The following TAFA2 variants were observed in gnomAD, a reference collection of about 807,000 sequenced individuals.
TAFA2 encodes chemokine-like protein TAFA-2.
A neutral mutation model predicts 18.8 loss-of-function variants in TAFA2; 7 were observed. The observed-to-expected ratio is 0.37, with a 90% CI of 0.21 to 0.70. The LOEUF (loss-of-function observed/expected upper bound fraction) is 0.70, where lower values mean the gene tolerates loss of function less well. Among genes scored for constraint, TAFA2 ranks in the 30% least tolerant of loss-of-function variants. The probability of loss-of-function intolerance (pLI) is 0.53; values close to 1 mark genes in which losing one functional copy is unlikely to be tolerated. For synonymous variants in TAFA2, 60 were observed against 54.2 expected, an observed-to-expected ratio of 1.11 and a Z score of -0.47; for missense variants, 122 against 158.1, an observed-to-expected ratio of 0.77 and a Z score of 1.23.
chr12:62,068,734 A>G (rs1565734159), intron 1 of TAFA2, among the ~76,000 whole-genome samples: 1 of 152,176 alleles, frequency 6.6e-6, no homozygotes, highest in East Asian at 1.9e-4. Context: ...TTTTGACTTC[A>G]TATAAAGGAT....
intron 2 of TAFA2, among the ~76,000 whole-genome samples, chr12:61,785,606 T>C (rs966454972): frequency 1.3e-5 from 2 of 151,454 alleles, no homozygotes; most frequent in Non-Finnish European, 3.0e-5. Context: ...CTTTATGAAC[T>C]CTGCAGATAC....
intron 1 of TAFA2, among the ~76,000 whole-genome samples, chr12:62,110,160 C>T (rs995949395): frequency 6.6e-6 from 1 of 152,100 alleles, no homozygotes; most frequent in Non-Finnish European, 1.5e-5. Flanking sequence ...CCATCTATAC[C>T]TAGTTTATTG....
rs1268292892 is a variant in TAFA2, at chr12:61,760,096, G to A, written c.107-5072C>T. Reference sequence around the variant, plus strand: ...AGTGCTTTTTTTTTTTTTTTTCACTGCCTATGAACAAAATGTAGAAACATG... The same window carrying A: ...AGTGCTTTTTTTTTTTTTTTTCACTACCTATGAACAAAATGTAGAAACATG... On this transcript the variant is annotated intron_variant, in intron 2 of 4. Coordinates refer to ENST00000416284, the MANE Select transcript of TAFA2 (RefSeq NM_178539.5). Among the ~76,000 whole-genome samples the A allele has an allele frequency of 5.5e-5, 7 of 126,500 alleles. No homozygotes were observed. The East Asian group carries it at 9.1e-4, about 16-fold the overall frequency. The allele number at this position is 126,500 out of a possible 152,430, so 83.0% of individuals were successfully genotyped here.
At chr12:62,124,974 A>C (rs1301982547) in intron 1 of TAFA2, among the ~76,000 whole-genome samples, 3 of 152,168 alleles carry the variant, frequency 2.0e-5, no homozygotes, top group African/African-American at 7.2e-5. Context: ...CCTTGTTCAA[A>C]AAAAGTACCA....
intron 1 of TAFA2, among the ~76,000 whole-genome samples, chr12:62,058,220 C>T (rs1429172512): frequency 1.3e-5 from 2 of 152,112 alleles, no homozygotes; most frequent in African/African-American, 4.8e-5. Flanking sequence ...AAGATCATCT[C>T]ACTCCCATGA....
At chr12:62,202,461 T>G (rs1276068075) in intron 1 of TAFA2, among the ~76,000 whole-genome samples, 1 of 152,008 alleles carries the variant, frequency 6.6e-6, no homozygotes, top group African/African-American at 2.4e-5. Flanking sequence ...TTCTCTCGCC[T>G]CAGCCTCCCT....
rs767969809 is a variant in TAFA2, at chr12:61,818,573, C to T, written c.106+48747G>A. On this transcript the variant is annotated intron_variant, in intron 2 of 4. Transcript: ENST00000416284. The stretch of plus-strand genomic sequence containing the variant: ...GTATACCCATGTATAGAGCAAAGCC[C>T]TCCAATGGAGCACCACTCTGAGGCA... Among the ~76,000 whole-genome samples, 6 of 151,962 alleles carry T rather than the reference C, an allele frequency of 3.9e-5. No homozygotes were observed. In the South Asian group the frequency reaches 8.3e-4, roughly 21 times the overall value.
chr12:61,912,540 A>T (rs942674431), intron 1 of TAFA2, among the ~76,000 whole-genome samples: 2 of 152,176 alleles, frequency 1.3e-5, no homozygotes, highest in Non-Finnish European at 2.9e-5. Flanking sequence ...ATCATTTTTT[A>T]AAAAATTTAG....
intron 2 of TAFA2, among the ~76,000 whole-genome samples, chr12:61,815,630 T>G (rs1872050384): frequency 6.8e-6 from 1 of 147,608 alleles, no homozygotes. Context: ...GCCACTGCAC[T>G]CCAGCCTGGG....
intron 1 of TAFA2, among the ~76,000 whole-genome samples, chr12:61,900,907 A>G (rs1255654152): frequency 6.6e-6 from 1 of 152,188 alleles, no homozygotes; most frequent in East Asian, 1.9e-4. Flanking sequence ...TGAACAGTGA[A>G]TAATTTTTCA....
intron 1 of TAFA2, among the ~76,000 whole-genome samples, chr12:62,068,762 C>T (rs1198167552): frequency 6.6e-6 from 1 of 152,146 alleles, no homozygotes; most frequent in Non-Finnish European, 1.5e-5. Context: ...TCTTGTACTA[C>T]TTGGCCATTG....
chr12:61,801,084 A>C (rs1017661829), intron 2 of TAFA2, among the ~76,000 whole-genome samples: 5 of 150,938 alleles, frequency 3.3e-5, no homozygotes, highest in African/African-American at 7.3e-5. Context: ...TGGACTCTGC[A>C]GTGAACACTA....
At chr12:62,175,889 T>A (rs1327202470) in intron 1 of TAFA2, among the ~76,000 whole-genome samples, 1 of 149,800 alleles carries the variant, frequency 6.7e-6, no homozygotes, top group Non-Finnish European at 1.5e-5. Flanking sequence ...TATATTAAAT[T>A]ACAAGAAAAT....
intron 1 of TAFA2, among the ~76,000 whole-genome samples, chr12:62,039,893 A>G (rs537415214): frequency 2.0e-5 from 3 of 152,180 alleles, no homozygotes; most frequent in Admixed American, 2.0e-4. Flanking sequence ...AGGCCCAAGC[A>G]TTTGCATATC....
At position 61,899,578 on chromosome 12, in the gene TAFA2, G is replaced by C. The variant is rs565082466; in HGVS notation, c.-1-32152C>G. On this transcript the variant is annotated intron_variant, in intron 1 of 4. Coordinates refer to ENST00000416284, the MANE Select transcript of TAFA2 (RefSeq NM_178539.5). ...CTCATGAGAATTCACTCACTATCAC[G>C]AGAACAACATGGGAATCTGTCTCCA... Among the ~76,000 whole-genome samples, 5 of 152,048 alleles carry C rather than the reference G, an allele frequency of 3.3e-5. No homozygotes were observed. The East Asian group carries it at 9.6e-4, about 29-fold the overall frequency.
Position 62,001,085 on chromosome 12 carries a change from T to C in TAFA2, c.-1-133659A>G, listed in dbSNP as rs146264698. On this transcript the variant is annotated intron_variant, in intron 1 of 4. Transcript: ENST00000416284. ...ACAAAAGGCAGGGGAAAGAACATTG[T>C]AGCAAAAACCCTGAACTTCCTTGAG... Among the ~76,000 whole-genome samples the C allele has an allele frequency of 5.4e-3, 819 of 152,322 alleles. 10 individuals are homozygous for C. The highest frequency in any genetic ancestry group is 0.019 in the African/African-American group (773 of 41,564).
chr12:62,130,250 G>A (rs77528232), intron 1 of TAFA2, among the ~76,000 whole-genome samples: 336 of 151,944 alleles, frequency 2.2e-3, no homozygotes, highest in African/African-American at 7.5e-3. Flanking sequence ...TTTACTCTCC[G>A]TAAACAAAGT....
intron 1 of TAFA2, among the ~76,000 whole-genome samples, chr12:62,149,607 T>A (rs1415961471): frequency 6.7e-6 from 1 of 149,136 alleles, no homozygotes; most frequent in East Asian, 1.9e-4. Flanking sequence ...ATATATACTC[T>A]TGACTTATCA....
intron 2 of TAFA2, among the ~76,000 whole-genome samples, chr12:61,802,601 G>T (rs1372901047): frequency 2.4e-4 from 36 of 151,906 alleles, no homozygotes; most frequent in Admixed American, 2.4e-3. Context: ...CAAGAGACTG[G>T]GAAGGGTAGA....
Sources: gnomAD v4.1 joint callset for allele counts (sites outside exome capture counted in the v4.1 genomes callset) on GRCh38, gnomAD v4.1.1 for gene constraint, MANE v1.5 for transcripts, NCBI Gene and HGNC (gene_info 2026-07-23, HGNC 2026-07-21) for gene names.